The following DLG2 variants were observed in gnomAD, a reference collection of about 807,000 sequenced individuals.
DLG2 encodes disks large homolog 2.
In DLG2, 45 loss-of-function variants were observed where a neutral mutation model predicts 132.5. The ratio of observed to expected loss-of-function variants is 0.34; its 90% CI spans 0.27 to 0.44. DLG2 has a LOEUF of 0.44. Among genes scored for constraint, DLG2 ranks in the 20% least tolerant of loss-of-function variants. The pLI, the probability that DLG2 is intolerant of heterozygous loss-of-function variation, is 1.00. For missense variants in DLG2, 1,045 were observed against 1,196.9 expected, an observed-to-expected ratio of 0.87 and a Z score of 1.87; for synonymous variants, 424 against 419.6, an observed-to-expected ratio of 1.01 and a Z score of -0.13.
chr11:84,889,334 T>C (rs2088907985), intron 6 of DLG2, among the ~76,000 whole-genome samples: 1 of 152,068 alleles, frequency 6.6e-6, no homozygotes, highest in South Asian at 2.1e-4. Flanking sequence ...GCTGTAAAAA[T>C]CTCTGAAGGC....
intron 17 of DLG2, among the ~76,000 whole-genome samples, chr11:83,826,955 C>T (rs2052997870): frequency 6.6e-6 from 1 of 152,138 alleles, no homozygotes; most frequent in Non-Finnish European, 1.5e-5. Context: ...CCCAGATCCT[C>T]TTTAGTATTT....
At chr11:84,253,091 A>G (rs925687563) in intron 7 of DLG2, among the ~76,000 whole-genome samples, 1 of 152,208 alleles carries the variant, frequency 6.6e-6, no homozygotes, top group African/African-American at 2.4e-5. Flanking sequence ...GTTAGTCATA[A>G]TATTTTCATG....
intron 6 of DLG2, among the ~76,000 whole-genome samples, chr11:84,837,342 T>C (rs1043385102): frequency 2.0e-5 from 3 of 151,742 alleles, no homozygotes; most frequent in Admixed American, 6.6e-5. Flanking sequence ...GTAAACACCA[T>C]TGTTTAAATA....
At chr11:85,127,505 G>C (rs2075270667) in intron 5 of DLG2, among the ~76,000 whole-genome samples, 1 of 152,046 alleles carries the variant, frequency 6.6e-6, no homozygotes, top group Admixed American at 6.6e-5. Flanking sequence ...TGCTATTTCT[G>C]TAATTGGTTG....
intron 3 of DLG2, among the ~76,000 whole-genome samples, chr11:85,515,531 G>A (rs1320768260): frequency 6.6e-6 from 1 of 151,890 alleles, no homozygotes; most frequent in African/African-American, 2.4e-5. Flanking sequence ...TATTAATAGT[G>A]TCTATCTTAA....
chr11:84,842,436 A>G (rs1599492007), intron 6 of DLG2, among the ~76,000 whole-genome samples: 1 of 151,988 alleles, frequency 6.6e-6, no homozygotes, highest in East Asian at 1.9e-4. Flanking sequence ...TTGAGGTATG[A>G]TTCCAAAACA....
At chr11:85,267,225 T>A (rs969647830) in intron 4 of DLG2, among the ~76,000 whole-genome samples, 1 of 152,218 alleles carries the variant, frequency 6.6e-6, no homozygotes, top group Non-Finnish European at 1.5e-5. Context: ...CTCTGCTATG[T>A]GAAGGTACAA....
At chr11:85,080,138 C>G (rs2067055480) in intron 6 of DLG2, among the ~76,000 whole-genome samples, 1 of 152,022 alleles carries the variant, frequency 6.6e-6, no homozygotes, top group African/African-American at 2.4e-5. Context: ...CACATGCCCA[C>G]CTGTTCTGTG....
chr11:85,586,835 G>A (rs2079004219), intron 3 of DLG2, among the ~76,000 whole-genome samples: 1 of 152,086 alleles, frequency 6.6e-6, no homozygotes, highest in African/African-American at 2.4e-5. Context: ...AGCATTTAAT[G>A]CTATGAACTT....
rs1399820348 is a variant in DLG2 at position 83,455,705 on chromosome 11, A to G, written c.*4113T>C. ...TTCCAACCACAGTCATTCATACTCAATGTAACGTGTGTACATGGTATACAT... is the reference window on the plus strand; with the variant it reads ...TTCCAACCACAGTCATTCATACTCAGTGTAACGTGTGTACATGGTATACAT... On this transcript the variant is annotated 3_prime_UTR_variant, in exon 28 of 28. Coordinates refer to ENST00000376104, the MANE Select transcript of DLG2 (RefSeq NM_001142699.3). The G allele has an allele frequency of 1.3e-5, 2 of 152,200 alleles. No homozygotes were observed. The highest frequency in any genetic ancestry group is 4.9e-5 in the African/African-American group (2 of 41,050). The allele number at this position is 152,200 out of a possible 1,614,324, so 9.4% of individuals were successfully genotyped here.
chr11:85,022,477 C>A (rs2060162546), intron 6 of DLG2, among the ~76,000 whole-genome samples: 1 of 151,886 alleles, frequency 6.6e-6, no homozygotes, highest in African/African-American at 2.4e-5. Flanking sequence ...TCTGGATTAC[C>A]TATAAACATA....
intron 6 of DLG2, among the ~76,000 whole-genome samples, chr11:84,902,932 A>G (rs1459536269): frequency 6.7e-6 from 1 of 148,586 alleles, no homozygotes; most frequent in Non-Finnish European, 1.5e-5. Flanking sequence ...ACTCCCCTAA[A>G]TCTTTCTTCA....
At chr11:85,387,180 A>T (rs753094324) in intron 3 of DLG2, among the ~76,000 whole-genome samples, 5 of 152,088 alleles carry the variant, frequency 3.3e-5, no homozygotes, top group Non-Finnish European at 5.9e-5. Flanking sequence ...TAGCCACCAG[A>T]ATATCCTTTC....
chr11:85,616,215 T>G (rs2081329541), intron 2 of DLG2, among the ~76,000 whole-genome samples: 1 of 152,196 alleles, frequency 6.6e-6, no homozygotes, highest in Non-Finnish European at 1.5e-5. Context: ...CAGACAAGCT[T>G]CTGGTCCTAA....
Position 84,757,256 on chromosome 11 carries a change from C to G in DLG2, c.358-222525G>C, listed in dbSNP as rs113268646. Among the ~76,000 whole-genome samples, 158 of 151,546 alleles carry G rather than the reference C, an allele frequency of 1.0e-3. 3 individuals carry two copies. Among genetic ancestry groups the G allele is most frequent in the African/African-American group, 3.6e-3 (148 of 41,262 alleles). On this transcript the variant is annotated intron_variant, in intron 6 of 27. Coordinates refer to ENST00000376104, the MANE Select transcript of DLG2 (RefSeq NM_001142699.3). ...GAAAATGAAAGTAAGCATTTAGAGACTTTTATAACAATTTGACCAAGTAAG... is the reference window on the plus strand; with the variant it reads ...GAAAATGAAAGTAAGCATTTAGAGAGTTTTATAACAATTTGACCAAGTAAG...
chr11:85,275,838 C>T (rs1421947981), intron 4 of DLG2, among the ~76,000 whole-genome samples: 1 of 151,988 alleles, frequency 6.6e-6, no homozygotes, highest in Non-Finnish European at 1.5e-5. Context: ...CCTGACTCCA[C>T]AGTATTGTAG....
chr11:85,576,691 G>A (rs1213183051), intron 3 of DLG2, among the ~76,000 whole-genome samples: 2 of 152,076 alleles, frequency 1.3e-5, no homozygotes, highest in Non-Finnish European at 2.9e-5. Context: ...TAAGTGTTAG[G>A]ATTAAAAGAG....
At chr11:85,487,209 C>T (rs1341369476) in intron 3 of DLG2, among the ~76,000 whole-genome samples, 1 of 151,614 alleles carries the variant, frequency 6.6e-6, no homozygotes, top group Non-Finnish European at 1.5e-5. Flanking sequence ...GAAGAAGTGA[C>T]TATTACACCA....
At chr11:85,422,972 A>AT (rs34406437) in intron 3 of DLG2, among the ~76,000 whole-genome samples, 118,644 of 151,440 alleles carry the variant, frequency 0.78, 46,804 homozygotes, top group Middle Eastern at 0.86. Flanking sequence ...GTTTGGGTCC[A>AT]TTTTTTTTGA....
Sources: gnomAD v4.1 joint callset for allele counts (sites outside exome capture counted in the v4.1 genomes callset) on GRCh38, gnomAD v4.1.1 for gene constraint, MANE v1.5 for transcripts, NCBI Gene and HGNC (gene_info 2026-07-23, HGNC 2026-07-21) for gene names.